The following EPC2 variants were observed in gnomAD, a reference collection of about 807,000 sequenced individuals.
EPC2 encodes enhancer of polycomb 2, also known as enhancer of polycomb homolog 2.
EPC2 carries 14 observed loss-of-function variants against 92.1 expected under a neutral mutation model. The observed-to-expected ratio is 0.15, with a 90% CI of 0.10 to 0.24. EPC2 has a LOEUF of 0.24. EPC2 is among the 10% of genes least tolerant of loss of function. The pLI, the probability that EPC2 is intolerant of heterozygous loss-of-function variation, is 1.00. For synonymous variants in EPC2, 340 were observed against 334.7 expected, an observed-to-expected ratio of 1.02 and a Z score of -0.17; for missense variants, 755 against 971.5, an observed-to-expected ratio of 0.78 and a Z score of 2.96.
At chr2:148,759,343 T>C (rs1431926904) in intron 4 of EPC2, among the ~76,000 whole-genome samples, 3 of 152,340 alleles carry the variant, frequency 2.0e-5, no homozygotes, top group Non-Finnish European at 4.4e-5. Context: ...TCCGACCGCC[T>C]TGGCCTCCCA....
chr2:148,769,905 G>T (rs891359515), intron 8 of EPC2, among the ~76,000 whole-genome samples: 10 of 152,156 alleles, frequency 6.6e-5, no homozygotes, highest in Admixed American at 1.3e-4. Flanking sequence ...GTAAATTTAG[G>T]AGAGGTGGAG....
rs1451888023 is a variant in EPC2 at position 148,682,548 on chromosome 2, T to C, written c.154-7666T>C. The stretch of plus-strand genomic sequence containing the variant: ...TTTGAAAACTCTCCAATACATAATC[T>C]TATTATTGTATAGAGTTTTTTTTGG... On this transcript the variant is annotated intron_variant, in intron 1 of 13. Coordinates refer to ENST00000258484, the MANE Select transcript of EPC2 (RefSeq NM_015630.4). 7.2e-5 allele frequency among the ~76,000 whole-genome samples: 11 copies of C among 152,338 alleles called. No individual in the cohort carries two copies. The South Asian group carries it at 2.3e-3, about 32-fold the overall frequency.
intron 3 of EPC2, among the ~76,000 whole-genome samples, chr2:148,749,510 A>G (rs1445262919): frequency 6.6e-6 from 1 of 151,776 alleles, no homozygotes; most frequent in Non-Finnish European, 1.5e-5. Context: ...CAGCATTTTA[A>G]TTGTTTACTT....
At chr2:148,722,793 C>T (rs980335428) in intron 2 of EPC2, among the ~76,000 whole-genome samples, 1 of 152,114 alleles carries the variant, frequency 6.6e-6, no homozygotes, top group Admixed American at 6.5e-5. Context: ...CAACAGTAGA[C>T]TGGATAAAGA....
chr2:148,697,925 G>C (rs1015583292), intron 2 of EPC2, among the ~76,000 whole-genome samples: 7 of 152,066 alleles, frequency 4.6e-5, no homozygotes, highest in African/African-American at 1.7e-4. Context: ...GGCAGTTATT[G>C]ATTTCTAAGC....
At chr2:148,685,419 CACTA>C (rs1436518530) in intron 1 of EPC2, among the ~76,000 whole-genome samples, 3 of 152,142 alleles carry the variant, frequency 2.0e-5, no homozygotes, top group Non-Finnish European at 4.4e-5. Flanking sequence ...AAGCGAGTAA[CACTA>C]AATAAAGCAA....
chr2:148,644,755 A>C lies in EPC2; in HGVS notation c.-263A>C. The C allele has an allele frequency of 2.7e-6, 1 of 366,578 alleles. No homozygotes were observed. 22.7% of individuals were successfully genotyped at this position (366,578 alleles called of 1,614,324 possible). A position where few individuals can be genotyped will look rare whatever the true frequency, so the allele number is the denominator to read the frequency against. On this transcript the variant is annotated 5_prime_UTR_variant, in exon 1 of 14. An upstream start codon of the reference 5' UTR is lost. Coordinates refer to ENST00000258484, the MANE Select transcript of EPC2 (RefSeq NM_015630.4). ...GGGATCGCTCGCCGCCGCTGTGGTA[A>C]TGTCCGCCATGTTGGCCATGGCGCA...
chr2:148,678,103 C>G (rs1681308791), intron 1 of EPC2, among the ~76,000 whole-genome samples: 1 of 152,154 alleles, frequency 6.6e-6, no homozygotes, highest in South Asian at 2.1e-4. Context: ...CGCTGATTGG[C>G]GCATTTACAA....
intron 1 of EPC2, among the ~76,000 whole-genome samples, chr2:148,646,486 C>G (rs989169919): frequency 9.2e-5 from 14 of 151,854 alleles, no homozygotes; most frequent in African/African-American, 2.9e-4. Flanking sequence ...TATATATACA[C>G]GCACATACAC....
At chr2:148,771,511 C>T in intron 10 of EPC2, 124 bp downstream of exon 10, 1 of 913,118 alleles carries the variant, frequency 1.1e-6, no homozygotes, top group Non-Finnish European at 1.7e-6. Context: ...TTGTTCTGTT[C>T]TGTCTCACAT....
chr2:148,686,282 C>G (rs1681523459), intron 1 of EPC2, among the ~76,000 whole-genome samples: 2 of 152,196 alleles, frequency 1.3e-5, no homozygotes. Context: ...AACAACTCCT[C>G]ATCTGTTCAA....
At chr2:148,779,682 C>A (rs1317724078) in intron 10 of EPC2, among the ~76,000 whole-genome samples, 1 of 152,152 alleles carries the variant, frequency 6.6e-6, no homozygotes, top group African/African-American at 2.4e-5. Context: ...AGAAAAAATT[C>A]TCATTCTTGT....
At chr2:148,769,386 G>C (rs1270956022) in intron 8 of EPC2, 146 bp downstream of exon 8, 1 of 625,932 alleles carries the variant, frequency 1.6e-6, no homozygotes, top group African/African-American at 1.8e-5. Context: ...GGTAAAAGAT[G>C]CTAAAAGGTA....
At chr2:148,778,160 G>A (rs1156270115) in intron 10 of EPC2, among the ~76,000 whole-genome samples, 1 of 152,108 alleles carries the variant, frequency 6.6e-6, no homozygotes, top group Non-Finnish European at 1.5e-5. Context: ...TGAGACTTGT[G>A]GGCATGTGGT....
chr2:148,666,292 C>G (rs1681054572), intron 1 of EPC2, among the ~76,000 whole-genome samples: 2 of 152,262 alleles, frequency 1.3e-5, no homozygotes, highest in Admixed American at 6.5e-5. Context: ...AGCCATGCTT[C>G]ACCATGCCTG....
intron 2 of EPC2, chr2:148,691,610 G>C: frequency 6.4e-7 from 1 of 1,550,392 alleles, no homozygotes; most frequent in Non-Finnish European, 8.7e-7. Context: ...ATTTTCATTT[G>C]TTTCTGCCAG....
intron 2 of EPC2, among the ~76,000 whole-genome samples, chr2:148,694,499 C>A (rs564830625): frequency 7.2e-5 from 11 of 152,090 alleles, no homozygotes; most frequent in Middle Eastern, 3.4e-3. Flanking sequence ...GTGCCACATG[C>A]AGAAAAAAAC....
At chr2:148,687,515 A>C (rs1681551556) in intron 1 of EPC2, among the ~76,000 whole-genome samples, 1 of 152,226 alleles carries the variant, frequency 6.6e-6, no homozygotes, top group African/African-American at 2.4e-5. Flanking sequence ...TTTTAAGTTT[A>C]CTTAGCTATT....
intron 2 of EPC2, among the ~76,000 whole-genome samples, chr2:148,709,246 T>C (rs1461045257): frequency 6.6e-6 from 1 of 152,182 alleles, no homozygotes; most frequent in Non-Finnish European, 1.5e-5. Context: ...CATTCACAAT[T>C]GCTTCAAAGA....
Sources: allele counts gnomAD v4.1 joint callset (sites outside exome capture counted in the v4.1 genomes callset), GRCh38; gene constraint gnomAD v4.1.1; transcripts MANE v1.5; gene names NCBI Gene and HGNC (gene_info 2026-07-23, HGNC 2026-07-21).